The following PPP2R2C variants were observed in gnomAD, a reference collection of about 807,000 sequenced individuals.
PPP2R2C encodes the protein protein phosphatase 2, regulatory subunit B, gamma.
PPP2R2C carries 10 observed loss-of-function variants against 45.3 expected under a neutral mutation model. The ratio of observed to expected loss-of-function variants is 0.22; its 90% CI spans 0.14 to 0.37. The LOEUF is 0.37. Ranked by LOEUF, PPP2R2C falls within the 10% of genes least tolerant of loss-of-function variation. The pLI is 1.00. For missense variants in PPP2R2C, 308 were observed against 619.7 expected (o/e 0.50, Z 5.34); for synonymous variants, 257 against 245.4 (o/e 1.05, Z -0.44).
At chr4:6,367,192 G>A (rs188158745) in intron 5 of PPP2R2C, among the ~76,000 whole-genome samples, 222 of 152,054 alleles carry the variant, frequency 1.5e-3, no homozygotes, top group African/African-American at 5.1e-3. Flanking sequence ...TTGTCCAATA[G>A]TCAAAGCAAT....
intron 5 of PPP2R2C, among the ~76,000 whole-genome samples, chr4:6,371,473 G>T (rs1276192498): frequency 6.6e-6 from 1 of 152,222 alleles, no homozygotes; most frequent in African/African-American, 2.4e-5. Flanking sequence ...GGGTGCCCAG[G>T]CTGCCTGGAG....
intron 5 of PPP2R2C, among the ~76,000 whole-genome samples, chr4:6,356,395 G>A (rs1054102977): frequency 5.9e-5 from 9 of 152,178 alleles, no homozygotes; most frequent in African/African-American, 2.2e-4. Flanking sequence ...AATTGCTCAG[G>A]GACAAGGAGA....
rs7696308 is a variant in PPP2R2C at position 6,454,103 on chromosome 4, G to A, written c.70+18057C>T. On this transcript the variant is annotated intron_variant, in intron 1 of 8. Coordinates refer to ENST00000382599, the MANE Select transcript of PPP2R2C (RefSeq NM_020416.4). ...AGAGGGACCCGTTCTTCCTGTGACT[G>A]TTCAGGGGGACAAGAGGGTGTTGCT... Among the ~76,000 whole-genome samples, 336 of 152,308 alleles carry A rather than the reference G, an allele frequency of 2.2e-3. 4 individuals are homozygous for A. The highest frequency in any genetic ancestry group is 7.5e-3 in the African/African-American group (311 of 41,546).
chr4:6,414,203 TGGAGCTAGAACTGGC>T (rs1209765236), intron 1 of PPP2R2C, among the ~76,000 whole-genome samples: 1 of 112,886 alleles, frequency 8.9e-6, no homozygotes, highest in Non-Finnish European at 2.1e-5. Context: ...TAGAACTGGC[TGGAGCTAGAACTGGC>T]GTGAGCTGGT....
intron 8 of PPP2R2C, among the ~76,000 whole-genome samples, chr4:6,326,774 C>T (rs575628064): frequency 6.6e-6 from 1 of 152,338 alleles, no homozygotes; most frequent in African/African-American, 2.4e-5. Context: ...GCTGCCTCTC[C>T]ACAGCACGCT....
chr4:6,543,698 C>G (rs1218428858), intron 1 of PPP2R2C, among the ~76,000 whole-genome samples: 1 of 152,226 alleles, frequency 6.6e-6, no homozygotes, highest in African/African-American at 2.4e-5. Flanking sequence ...CAGCTTGTCA[C>G]ATAAAGCGTG....
At chr4:6,521,783 C>A (rs1724035277) in intron 2 of PPP2R2C, among the ~76,000 whole-genome samples, 1 of 152,218 alleles carries the variant, frequency 6.6e-6, no homozygotes, top group South Asian at 2.1e-4. Flanking sequence ...TGAGCATTTA[C>A]TACCATCCAA....
chr4:6,363,373 T>C (rs1713992156), intron 5 of PPP2R2C, among the ~76,000 whole-genome samples: 1 of 151,968 alleles, frequency 6.6e-6, no homozygotes, highest in African/African-American at 2.4e-5. Flanking sequence ...GGTCAGGAGA[T>C]CGAGACCATC....
intron 2 of PPP2R2C, among the ~76,000 whole-genome samples, chr4:6,485,287 T>C (rs1320216308): frequency 2.6e-5 from 4 of 151,870 alleles, no homozygotes; most frequent in African/African-American, 9.7e-5. Context: ...TTTTTGTGTA[T>C]TGTTAGATTG....
At chr4:6,327,105 C>T (rs1228185625) in intron 8 of PPP2R2C, among the ~76,000 whole-genome samples, 1 of 152,194 alleles carries the variant, frequency 6.6e-6, no homozygotes, top group African/African-American at 2.4e-5. Flanking sequence ...GGAGGTGGCA[C>T]ACCTCTATGC....
At chr4:6,511,607 T>G (rs866064006) in intron 2 of PPP2R2C, among the ~76,000 whole-genome samples, 57 of 8,814 alleles carry the variant, frequency 6.5e-3, no homozygotes, top group Non-Finnish European at 0.013. Flanking sequence ...ATGGGGGTGG[T>G]GGTGGTGGTG....
intron 4 of PPP2R2C, among the ~76,000 whole-genome samples, chr4:6,374,491 C>T (rs1038445973): frequency 6.6e-6 from 1 of 152,264 alleles, no homozygotes. Context: ...CAGACAGTGT[C>T]GGATCCAAAA....
intron 2 of PPP2R2C, among the ~76,000 whole-genome samples, chr4:6,512,868 A>C (rs1285736243): frequency 2.6e-5 from 4 of 152,058 alleles, no homozygotes; most frequent in Non-Finnish European, 5.9e-5. Context: ...AATTCAGTTC[A>C]AAAGCAAATG....
intron 2 of PPP2R2C, among the ~76,000 whole-genome samples, chr4:6,518,922 T>TAAAAAAAAAAAAAAAAAAAAAAAAAAAAA (rs56002128): frequency 5.5e-4 from 51 of 92,906 alleles, no homozygotes; most frequent in Non-Finnish European, 7.3e-4. Context: ...GACTCTGTCT[T>TAAAAAAAAAAAAAAAAAAAAAAAAAAAAA]AAAAAAAAAA....
At chr4:6,367,114 G>A (rs955907812) in intron 5 of PPP2R2C, among the ~76,000 whole-genome samples, 5 of 152,020 alleles carry the variant, frequency 3.3e-5, no homozygotes, top group Non-Finnish European at 7.4e-5. Context: ...ACCGAGACAG[G>A]TCACAGAGCC....
intron 1 of PPP2R2C, chr4:6,382,484 C>T (rs750589045): frequency 3.0e-5 from 41 of 1,351,900 alleles, no homozygotes; most frequent in Admixed American, 1.5e-4. Flanking sequence ...TCCCTGTGTC[C>T]CTCTATTCAA....
intron 2 of PPP2R2C, among the ~76,000 whole-genome samples, chr4:6,490,825 A>G (rs1577218514): frequency 6.6e-6 from 1 of 152,192 alleles, no homozygotes; most frequent in East Asian, 1.9e-4. Flanking sequence ...AACACTCCTC[A>G]AGCAGGATTT....
rs918047718 is a variant in PPP2R2C, at chr4:6,332,847, C to G, written c.960+715G>C. The stretch of plus-strand genomic sequence containing the variant: ...GTTTTCCCACCCATGTTTGCACGGC[C>G]AGATCTTACCCATCCTTCAAGGCCC... On this transcript the variant is annotated intron_variant, in intron 7 of 8. Transcript: ENST00000382599. The surrounding 1 kb of genome is among the most constrained non-coding windows in gnomAD (Gnocchi z 4.9). 1.3e-5 allele frequency among the ~76,000 whole-genome samples: 2 copies of G among 152,148 alleles called. No individual in the cohort carries two copies. The highest frequency in any genetic ancestry group is 2.4e-5 in the African/African-American group (1 of 41,410).
chr4:6,532,858 G>A (rs1338264361), intron 2 of PPP2R2C, among the ~76,000 whole-genome samples: 1 of 152,200 alleles, frequency 6.6e-6, no homozygotes, highest in Non-Finnish European at 1.5e-5. Flanking sequence ...CAGCACCGGG[G>A]GGCCAGGTAT....
Sources: allele counts gnomAD v4.1 joint callset (sites outside exome capture counted in the v4.1 genomes callset), GRCh38; gene constraint gnomAD v4.1.1; non-coding constraint Gnocchi (gnomAD v3.1); transcripts MANE v1.5; gene names NCBI Gene and HGNC (gene_info 2026-07-23, HGNC 2026-07-21).